RDH10: variants seen among roughly 807,000 people sequenced by gnomAD.
The protein encoded by RDH10 is retinol dehydrogenase 10 (all-trans).
RDH10 carries 12 observed loss-of-function variants against 30.2 expected under a neutral mutation model. The ratio of observed to expected loss-of-function variants is 0.40; its 90% confidence interval spans 0.25 to 0.64. RDH10 has a LOEUF of 0.64. Ranked by LOEUF, RDH10 falls within the 30% of genes least tolerant of loss-of-function variation. RDH10 has a pLI of 0.43. For missense variants in RDH10, 268 were observed against 445.2 expected (o/e 0.60, Z 3.58); for synonymous variants, 189 against 172.2 (o/e 1.10, Z -0.76).
In RDH10 at chr8:73,295,225, G is replaced by A. The variant is rs1814238504; in HGVS notation, c.-65G>A. On this transcript the variant is annotated 5_prime_UTR_variant, in exon 1 of 6. Transcript: ENST00000240285. Reference sequence around the variant, plus strand: ...ACAAGCGCCCCGGAGCCGGGAGCCCGATTGCCGGGCTCGGGGTGGGCGCGG... The same window carrying A: ...ACAAGCGCCCCGGAGCCGGGAGCCCAATTGCCGGGCTCGGGGTGGGCGCGG... 2.2e-6 allele frequency: 3 copies of A among 1,353,774 alleles called. No individual in the cohort carries two copies. The highest frequency in any genetic ancestry group is 2.6e-5 in the Admixed American group (1 of 38,974). 83.9% of individuals were successfully genotyped at this position (1,353,774 alleles called of 1,614,324 possible).
At chr8:73,319,701 T>A (rs529898316) in intron 3 of RDH10, among the ~76,000 whole-genome samples, 2 of 152,266 alleles carry the variant, frequency 1.3e-5, no homozygotes, top group South Asian at 4.1e-4. Flanking sequence ...AATGGAACCA[T>A]GGAAAGCTGT....
chr8:73,318,413 G>C (rs569019899), intron 2 of RDH10, among the ~76,000 whole-genome samples: 1 of 152,352 alleles, frequency 6.6e-6, no homozygotes, highest in East Asian at 1.9e-4. Flanking sequence ...ACTTGCATCT[G>C]TGGCAGAGTC....
intron 1 of RDH10, 164 bp from the exon 2 acceptor site, chr8:73,297,030 C>A (rs2130353252): frequency 1.6e-6 from 1 of 606,856 alleles, no homozygotes; most frequent in Non-Finnish European, 3.0e-6. Flanking sequence ...AGGAAGGCAG[C>A]TGTAAAGCTC....
At chr8:73,307,436 A>G (rs1300050058) in intron 2 of RDH10, among the ~76,000 whole-genome samples, 1 of 152,250 alleles carries the variant, frequency 6.6e-6, no homozygotes, top group South Asian at 2.1e-4. Context: ...GATAGCACTT[A>G]TAACAAAAAT....
In RDH10 at chr8:73,297,252, C is replaced by T. The variant is rs753517848; in HGVS notation, c.348C>T (p.Thr116=). The T allele has an allele frequency of 2.5e-6, 4 of 1,614,170 alleles. No individual in the cohort carries two copies. The highest frequency in any genetic ancestry group is 2.7e-5 in the African/African-American group (2 of 75,050). ...GTAACTTGCAGGTTTTTACCTACAC[C>T]TGTGACGTGGGGAAGAGGGAGAACG... ...PHCNLQVFTY[T]CDVGKRENVY... The change falls in exon 2 of 6, where the codon ACC becomes ACT. Residue 116 remains threonine, a synonymous_variant. Transcript: ENST00000240285.
intron 2 of RDH10, among the ~76,000 whole-genome samples, chr8:73,306,027 A>G (rs751146897): frequency 2.6e-5 from 4 of 152,232 alleles, no homozygotes; most frequent in South Asian, 2.1e-4. Context: ...GACCCCATAT[A>G]GACATAATTG....
chr8:73,301,111 C>T (rs1405713533), intron 2 of RDH10, among the ~76,000 whole-genome samples: 5 of 125,594 alleles, frequency 4.0e-5, no homozygotes, highest in Admixed American at 1.0e-4. Flanking sequence ...AGTGCAGTGG[C>T]GCGATCTCGG....
intron 1 of RDH10, 47 bp downstream of exon 1, chr8:73,295,625 A>G: frequency 5.6e-6 from 8 of 1,427,110 alleles, no homozygotes; most frequent in Non-Finnish European, 7.3e-6. Flanking sequence ...GCCTCTTTCC[A>G]CCCCGCGCCC....
At chr8:73,306,769 C>G (rs1814472276) in intron 2 of RDH10, among the ~76,000 whole-genome samples, 2 of 152,192 alleles carry the variant, frequency 1.3e-5, no homozygotes, top group Non-Finnish European at 2.9e-5. Flanking sequence ...TTACATGCTG[C>G]TTGCATAAAA....
chr8:73,295,119 G>C lies in RDH10; in HGVS notation c.-171G>C, dbSNP rs1814234938. ...GGGCGGGAGTGGCCCCGCGCAGGCA[G>C]GGAGCGGCGCCGCGCACTCCAACCC... On this transcript the variant is annotated 5_prime_UTR_variant, in exon 1 of 6. Transcript: ENST00000240285. The C allele has an allele frequency of 1.5e-5, 7 of 476,410 alleles. No individual in the cohort carries two copies. In the East Asian group the frequency reaches 2.3e-4, roughly 16 times the overall value. The allele number at this position is 476,410 out of a possible 1,614,324, so 29.5% of individuals were successfully genotyped here. A position where few individuals can be genotyped will look rare whatever the true frequency, so the allele number is the denominator to read the frequency against.
At chr8:73,315,464 A>C in intron 2 of RDH10, 1 of 353,786 alleles carries the variant, frequency 2.8e-6, no homozygotes, top group South Asian at 2.2e-5. Context: ...CACCAGATTC[A>C]TTTCAGGGCA....
chr8:73,307,392 G>A (rs796943972), intron 2 of RDH10, among the ~76,000 whole-genome samples: 12 of 152,298 alleles, frequency 7.9e-5, no homozygotes, highest in African/African-American at 2.4e-4. Context: ...ACCAGGACTT[G>A]CAGGAACTTA....
chr8:73,309,718 C>T (rs1256147329), intron 2 of RDH10, among the ~76,000 whole-genome samples: 12 of 149,988 alleles, frequency 8.0e-5, no homozygotes, highest in East Asian at 2.0e-4. Flanking sequence ...CTGGAGTATA[C>T]GGGACTTCCT....
At chr8:73,303,561 T>C (rs965554501) in intron 2 of RDH10, among the ~76,000 whole-genome samples, 3 of 152,240 alleles carry the variant, frequency 2.0e-5, no homozygotes, top group African/African-American at 4.8e-5. Context: ...GTTTCTGTTA[T>C]TAAATATATG....
rs772912427 is a variant in RDH10 at position 73,320,916 on chromosome 8, C to G, written c.625-16C>G. The stretch of plus-strand genomic sequence containing the variant: ...CATATGCTTAGTATTTCTGCTTTCT[C>G]CCCTCTTTAACTCAGGATTACTGTG... On this transcript the variant is annotated splice_polypyrimidine_tract_variant and intron_variant, in intron 3 of 5. Transcript: ENST00000240285. 6.2e-6 allele frequency: 10 copies of G among 1,613,604 alleles called. No individual in the cohort carries two copies. Among genetic ancestry groups the G allele is most frequent in the African/African-American group, 1.3e-5 (1 of 74,870 alleles).
chr8:73,301,719 G>A (rs1435425808), intron 2 of RDH10, among the ~76,000 whole-genome samples: 1 of 152,194 alleles, frequency 6.6e-6, no homozygotes, highest in East Asian at 1.9e-4. Flanking sequence ...TGGCGCCACT[G>A]CACTCCAGCC....
chr8:73,297,480 G>T (rs1456782062), intron 2 of RDH10, 51 bp downstream of exon 2: 4 of 1,345,176 alleles, frequency 3.0e-6, no homozygotes, highest in Admixed American at 1.7e-5. Flanking sequence ...TAATGAGAAG[G>T]TTGGGAAGGG....
intron 2 of RDH10, among the ~76,000 whole-genome samples, chr8:73,318,511 A>G (rs1814713611): frequency 6.6e-6 from 1 of 152,250 alleles, no homozygotes; most frequent in South Asian, 2.1e-4. Flanking sequence ...TATGTTTTTC[A>G]CAAAAATAGT....
intron 2 of RDH10, among the ~76,000 whole-genome samples, chr8:73,317,482 T>TG (rs34408643): frequency 0.16 from 24,187 of 151,896 alleles, 2,520 homozygotes; most frequent in East Asian, 0.35. Flanking sequence ...GAGTTGGGAG[T>TG]GGGGTACTAC....
Sources: gnomAD v4.1 joint callset for allele counts (sites outside exome capture counted in the v4.1 genomes callset) on GRCh38, gnomAD v4.1.1 for gene constraint, MANE v1.5 for transcripts, NCBI Gene and HGNC (gene_info 2026-07-23, HGNC 2026-07-21) for gene names.